Variants in PPFIBP1 observed in about 807,000 individuals in gnomAD.
PPFIBP1 encodes liprin-beta-1.
In PPFIBP1, 112 loss-of-function variants were observed where a neutral mutation model predicts 137.8. That is an observed-to-expected ratio of 0.81 (90% confidence interval 0.70 to 0.95). The LOEUF is 0.95. PPFIBP1 is among the 40% of genes least tolerant of loss of function. The probability of loss-of-function intolerance (pLI) is 0.00; values close to 1 mark genes in which losing one functional copy is unlikely to be tolerated. For synonymous variants in PPFIBP1, 378 were observed against 417.3 expected, an observed-to-expected ratio of 0.91 and a Z score of 1.15; for missense variants, 1,083 against 1,196.6, an observed-to-expected ratio of 0.91 and a Z score of 1.40.
chr12:27,589,624 A>G (rs943950409), intron 2 of PPFIBP1, among the ~76,000 whole-genome samples: 7 of 152,248 alleles, frequency 4.6e-5, no homozygotes, highest in African/African-American at 1.4e-4. Flanking sequence ...ATACCTGCCA[A>G]GCAGGTTTAT....
intron 1 of PPFIBP1, among the ~76,000 whole-genome samples, chr12:27,556,544 A>T (rs138857777): frequency 2.0e-5 from 3 of 152,322 alleles, no homozygotes; most frequent in African/African-American, 7.2e-5. Context: ...GGAATTCATG[A>T]TGGAGTCTCA....
chr12:27,687,627 A>G, intron 25 of PPFIBP1, 120 bp downstream of exon 25: 1 of 1,202,682 alleles, frequency 8.3e-7, no homozygotes, highest in Non-Finnish European at 1.1e-6. Flanking sequence ...ATCCAGCCTC[A>G]TTTACTTCTT....
At chr12:27,679,147 G>C (rs2060734449) in intron 19 of PPFIBP1, among the ~76,000 whole-genome samples, 1 of 152,140 alleles carries the variant, frequency 6.6e-6, no homozygotes, top group African/African-American at 2.4e-5. Context: ...AGCAAAAGGA[G>C]ATGATTTTGA....
At chr12:27,637,286 T>G (rs1354359763) in intron 4 of PPFIBP1, 3 of 152,240 alleles carry the variant, frequency 2.0e-5, no homozygotes, top group South Asian at 2.1e-4. Flanking sequence ...TGAATGATGC[T>G]CCATGAATGA....
chr12:27,654,270 C>A (rs1378824869), intron 7 of PPFIBP1: 3 of 152,102 alleles, frequency 2.0e-5, no homozygotes, highest in African/African-American at 7.2e-5. Flanking sequence ...GAAGAAATTA[C>A]AAATTTTTTA....
intron 11 of PPFIBP1, among the ~76,000 whole-genome samples, chr12:27,661,233 C>T (rs1172669543): frequency 6.6e-6 from 1 of 152,170 alleles, no homozygotes; most frequent in Non-Finnish European, 1.5e-5. Flanking sequence ...TTCCATAGTA[C>T]CTCCTGTATG....
At chr12:27,600,738 G>A (rs1409260311) in intron 2 of PPFIBP1, among the ~76,000 whole-genome samples, 1 of 152,070 alleles carries the variant, frequency 6.6e-6, no homozygotes, top group East Asian at 1.9e-4. Context: ...ATGGAAATTT[G>A]AATTAATACT....
At chr12:27,650,559 C>T (rs1344904947) in intron 7 of PPFIBP1, among the ~76,000 whole-genome samples, 2 of 152,174 alleles carry the variant, frequency 1.3e-5, no homozygotes, top group Non-Finnish European at 2.9e-5. Flanking sequence ...GTATAGAAAA[C>T]ATGCTAACAT....
intron 1 of PPFIBP1, among the ~76,000 whole-genome samples, chr12:27,542,673 T>C (rs1406663348): frequency 1.3e-5 from 2 of 152,248 alleles, no homozygotes; most frequent in Non-Finnish European, 2.9e-5. Context: ...TATATTTAGA[T>C]GCTAGAAACA....
intron 1 of PPFIBP1, among the ~76,000 whole-genome samples, chr12:27,560,015 C>T (rs1364900550): frequency 6.6e-6 from 1 of 152,198 alleles, no homozygotes; most frequent in African/African-American, 2.4e-5. Context: ...ATACAATCTA[C>T]GTAATGTTCT....
chr12:27,665,119 C>T lies in PPFIBP1; in HGVS notation c.991+673C>T, dbSNP rs145318887. The stretch of plus-strand genomic sequence containing the variant: ...AGGAGAATCGCCTGAACCCGGGAAG[C>T]GGAGGTTGCAGGGAGCCGAGATTGC... On this transcript the variant is annotated intron_variant, in intron 12 of 29. Coordinates refer to ENST00000228425, the MANE Select transcript of PPFIBP1 (RefSeq NM_003622.4). Among the ~76,000 whole-genome samples the T allele has an allele frequency of 9.2e-5, 14 of 152,178 alleles. No individual in the cohort carries two copies. In the East Asian group the frequency reaches 1.9e-3, roughly 21 times the overall value.
In PPFIBP1 at chr12:27,694,227, T is replaced by G. The variant is rs1309391082; in HGVS notation, c.*1345T>G. 3 of 147,598 alleles carry G rather than the reference T, an allele frequency of 2.0e-5. No individual in the cohort carries two copies. Among genetic ancestry groups the G allele is most frequent in the Non-Finnish European group, 4.5e-5 (3 of 66,756 alleles). The allele number at this position is 147,598 out of a possible 1,614,324, so 9.1% of individuals were successfully genotyped here. A position where few individuals can be genotyped will look rare whatever the true frequency, so the allele number is the denominator to read the frequency against. Reference sequence around the variant, plus strand: ...CAGGGTCTCACCATGTTGTCCAGCCTGGTCTCAAACTCCTGTCCTCAAGTG... The same window carrying G: ...CAGGGTCTCACCATGTTGTCCAGCCGGGTCTCAAACTCCTGTCCTCAAGTG... On this transcript the variant is annotated 3_prime_UTR_variant, in exon 30 of 30. Transcript: ENST00000228425.
rs1485536894 is a variant in PPFIBP1 at position 27,608,238 on chromosome 12, A to G, written c.-35-25124A>G. 2.0e-5 allele frequency among the ~76,000 whole-genome samples: 3 copies of G among 152,364 alleles called. No homozygotes were observed. In the East Asian group the frequency reaches 5.8e-4, roughly 29 times the overall value. The stretch of plus-strand genomic sequence containing the variant: ...ATAATGCATTTAGGAAAACAGGACT[A>G]CCACAAACAAAGATGCTACAGACAG... On this transcript the variant is annotated intron_variant, in intron 2 of 29. Transcript: ENST00000228425.
intron 1 of PPFIBP1, among the ~76,000 whole-genome samples, chr12:27,558,091 G>A (rs972128454): frequency 1.3e-5 from 2 of 152,120 alleles, no homozygotes; most frequent in African/African-American, 4.8e-5. Context: ...TTCTACATAC[G>A]TGGTTCTTAG....
chr12:27,597,648 C>T (rs966631518), intron 2 of PPFIBP1, among the ~76,000 whole-genome samples: 2 of 152,030 alleles, frequency 1.3e-5, no homozygotes, highest in African/African-American at 4.8e-5. Context: ...TGTCATTACT[C>T]ATGGAAATGG....
chr12:27,589,352 A>T (rs17223953), intron 2 of PPFIBP1, among the ~76,000 whole-genome samples: 1 of 152,118 alleles, frequency 6.6e-6, no homozygotes. Context: ...TGAGCCGTGA[A>T]TTTTCTGGTC....
In PPFIBP1 at chr12:27,679,630, T is replaced by C. The variant is rs2060762878; in HGVS notation, c.1757T>C (p.Leu586Pro). 3 of 1,613,622 alleles carry C rather than the reference T, an allele frequency of 1.9e-6. No homozygotes were observed. The highest frequency in any genetic ancestry group is 2.5e-6 in the Non-Finnish European group (3 of 1,179,798). The change falls in exon 20 of 30, where the codon CTC becomes CCC. Residue 586 changes from leucine (L) to proline (P), a missense_variant. Leu to Pro is a moderately conservative substitution (Grantham distance 98). Coordinates refer to ENST00000228425, the MANE Select transcript of PPFIBP1 (RefSeq NM_003622.4). ...SKKKSRGIMK[L>P]FGKLRRSQST... ...AAGAAATCCAGAGGTATCATGAAACTCTTTGGAAAGTAAGTAAAGCAGTAA... is the reference window on the plus strand; with the variant it reads ...AAGAAATCCAGAGGTATCATGAAACCCTTTGGAAAGTAAGTAAAGCAGTAA...
chr12:27,585,454 A>G (rs1338777272), intron 2 of PPFIBP1, among the ~76,000 whole-genome samples: 7 of 152,248 alleles, frequency 4.6e-5, no homozygotes, highest in South Asian at 2.1e-4. Flanking sequence ...CTGAAAGGAA[A>G]TGACATTCAC....
chr12:27,557,232 G>A (rs2048769456), intron 1 of PPFIBP1, among the ~76,000 whole-genome samples: 3 of 106,854 alleles, frequency 2.8e-5, no homozygotes. Context: ...TAATACCATG[G>A]TAACAATTTT....
Sources: gnomAD v4.1 joint callset for allele counts (sites outside exome capture counted in the v4.1 genomes callset) on GRCh38, gnomAD v4.1.1 for gene constraint, MANE v1.5 for transcripts, NCBI Gene and HGNC (gene_info 2026-07-23, HGNC 2026-07-21) for gene names.